The following NR4A1 variants were observed in gnomAD, a reference collection of about 807,000 sequenced individuals.
NR4A1 encodes the protein nuclear receptor subfamily 4immunitygroup A member 1.
A neutral mutation model predicts 47.5 loss-of-function variants in NR4A1; 24 were observed. That is an observed-to-expected ratio of 0.50 (90% CI 0.37 to 0.71). The LOEUF (loss-of-function observed/expected upper bound fraction) is 0.71, where lower values mean the gene tolerates loss of function less well. Among genes scored for constraint, NR4A1 ranks in the 30% least tolerant of loss-of-function variants. The probability of loss-of-function intolerance (pLI) is 0.00; values close to 1 mark genes in which losing one functional copy is unlikely to be tolerated. For synonymous variants in NR4A1, 353 were observed against 345.7 expected (o/e 1.02, Z -0.24); for missense variants, 669 against 788.6 (o/e 0.85, Z 1.82).
At chr12:52,042,202 G>A (rs1938466437) in intron 2 of NR4A1, among the ~76,000 whole-genome samples, 1 of 152,244 alleles carries the variant, frequency 6.6e-6, no homozygotes, top group East Asian at 1.9e-4. Flanking sequence ...GGGAGTAGGG[G>A]ATGACAGCTG....
At chr12:52,045,063 A>C (rs1938580486) in intron 2 of NR4A1, among the ~76,000 whole-genome samples, 1 of 152,214 alleles carries the variant, frequency 6.6e-6, no homozygotes, top group Non-Finnish European at 1.5e-5. Flanking sequence ...AGCTCTCTCC[A>C]GAGTATTAAT....
chr12:52,055,930 T>C (rs1014306395), intron 2 of NR4A1, 100 bp from the exon 3 acceptor site: 1 of 653,914 alleles, frequency 1.5e-6, no homozygotes, highest in African/African-American at 1.9e-5. Context: ...AGAGCGCTTT[T>C]GTCTGCAATG....
upstream of NR4A1, among the ~76,000 whole-genome samples, chr12:52,050,583 G>T (rs1037304055): frequency 6.6e-6 from 1 of 152,244 alleles, no homozygotes; most frequent in African/African-American, 2.4e-5. Flanking sequence ...TAAGGGGCTG[G>T]GGAGGGGACG....
chr12:52,030,724 T>C (rs530734309), intron 1 of NR4A1, among the ~76,000 whole-genome samples: 1 of 152,290 alleles, frequency 6.6e-6, no homozygotes, highest in African/African-American at 2.4e-5. Flanking sequence ...CCACCACACC[T>C]GGCCTACTTA....
chr12:52,056,742 T>G (rs1030559961), intron 4 of NR4A1, 97 bp downstream of exon 4: 1 of 1,278,164 alleles, frequency 7.8e-7, no homozygotes, highest in African/African-American at 1.5e-5. Flanking sequence ...AAGGACTGAA[T>G]GAGAAAGGAG....
intron 1 of NR4A1, among the ~76,000 whole-genome samples, chr12:52,028,071 A>C (rs1938034631): frequency 6.7e-6 from 1 of 150,066 alleles, no homozygotes; most frequent in South Asian, 2.1e-4. Flanking sequence ...GCGTGGTGGC[A>C]TGTGCCTTTA....
intron 3 of NR4A1, 166 bp from the exon 4 acceptor site, chr12:52,056,328 T>C: frequency 2.9e-6 from 4 of 1,358,518 alleles, no homozygotes; most frequent in Non-Finnish European, 4.0e-6. Flanking sequence ...CTGCCTGGAT[T>C]GTGAGGGTGG....
intron 2 of NR4A1, among the ~76,000 whole-genome samples, chr12:52,042,200 G>A (rs1215499933): frequency 6.6e-6 from 1 of 152,100 alleles, no homozygotes; most frequent in Admixed American, 6.5e-5. Flanking sequence ...GTGGGAGTAG[G>A]GGATGACAGC....
At chr12:52,027,207 AC>A (rs1234683647) in intron 1 of NR4A1, among the ~76,000 whole-genome samples, 3 of 152,146 alleles carry the variant, frequency 2.0e-5, no homozygotes, top group Admixed American at 6.5e-5. Flanking sequence ...GCTGCTGCAT[AC>A]CCAGGCCTGG....
intron 1 of NR4A1, among the ~76,000 whole-genome samples, chr12:52,032,954 A>C (rs7975562): frequency 0.021 from 3,267 of 152,170 alleles, 129 homozygotes; most frequent in African/African-American, 0.074. Context: ...CCTCCCAATG[A>C]CGTCTATTCG....
chr12:52,038,893 T>C (rs1938338043), intron 1 of NR4A1: 2 of 628,218 alleles, frequency 3.2e-6, no homozygotes, highest in African/African-American at 3.6e-5. Context: ...CCCAGGCCCT[T>C]AGCTTCTGCC....
upstream of NR4A1, chr12:52,051,275 C>A: frequency 6.1e-6 from 2 of 327,230 alleles, no homozygotes; most frequent in Non-Finnish European, 8.8e-6. Flanking sequence ...GCCCCGCCCC[C>A]TCGGGCTCCC....
At chr12:52,041,851 C>G (rs1316211749) in exon 2 of NR4A1, 5 of 1,512,462 alleles carry the variant, frequency 3.3e-6, no homozygotes, top group East Asian at 4.7e-5. Context: ...CCCTCCCAGG[C>G]AGCCTGGCTC....
At chr12:52,054,149 G>T in intron 1 of NR4A1, 178 bp from the exon 2 acceptor site, 1 of 604,930 alleles carries the variant, frequency 1.7e-6, no homozygotes, top group East Asian at 2.8e-5. Flanking sequence ...CCTAGGTCGA[G>T]ATGGTACTCA....
At position 52,054,637 on chromosome 12, in the gene NR4A1, C is replaced by A. The variant is rs143072172; in HGVS notation, c.309C>A (p.Phe103Leu). Reference sequence around the variant, plus strand: ...CCCCTGCCTCTGCCTCCTTCAAGTTCGAGGACTTCCAGGTGTACGGCTGCT... The same window carrying A: ...CCCCTGCCTCTGCCTCCTTCAAGTTAGAGGACTTCCAGGTGTACGGCTGCT... ...ATSPASASFK[F>L]EDFQVYGCYP... The change falls in exon 2 of 7, where the codon TTC becomes TTA. Residue 103 changes from phenylalanine to leucine, a missense_variant. Transcript: ENST00000394825. The A allele has an allele frequency of 6.2e-7, 1 of 1,614,150 alleles. No individual in the cohort carries two copies.
upstream of NR4A1, chr12:52,051,387 C>T (rs971453334): frequency 2.4e-5 from 24 of 985,324 alleles, no homozygotes; most frequent in Middle Eastern, 1.0e-3. Flanking sequence ...GTGGCGCCCC[C>T]GCCCCTCCCC....
chr12:52,056,928 G>A, intron 4 of NR4A1, 129 bp from the exon 5 acceptor site: 2 of 948,638 alleles, frequency 2.1e-6, no homozygotes, highest in South Asian at 3.4e-5. Flanking sequence ...TGGCAAGTGA[G>A]AGCCTGGGCA....
chr12:52,054,367 G>A lies in NR4A1; in HGVS notation c.39G>A (p.Pro13=). The change falls in exon 2 of 7, where the codon CCG becomes CCA. Residue 13 remains proline, a synonymous_variant. Coordinates refer to ENST00000394825, the MANE Select transcript of NR4A1 (RefSeq NM_173157.3). The stretch of plus-strand genomic sequence containing the variant: ...AAGCCCAATATGGGACACCAGCACC[G>A]AGTCCGGGACCCCGTGACCACCTGG... ...CIQAQYGTPA[P]SPGPRDHLAS... The A allele has an allele frequency of 6.2e-7, 1 of 1,613,274 alleles. No individual in the cohort carries two copies. Among genetic ancestry groups the A allele is most frequent in the Non-Finnish European group, 8.5e-7 (1 of 1,179,690 alleles).
At position 52,043,662 on chromosome 12, in the gene NR4A1, G is replaced by A. The variant is rs1190552341; in HGVS notation, c.37+1733G>A. 6.7e-6 allele frequency: 8 copies of A among 1,192,698 alleles called. No homozygotes were observed. In the African/African-American group the frequency reaches 1.3e-4, roughly 19 times the overall value. The allele number at this position is 1,192,698 out of a possible 1,614,324, so 73.9% of individuals were successfully genotyped here. ...CCCAAAGTGGCTCCCCCCATCCCCA[G>A]AGGCCGGCTCTGGTTTCTGCTATAT... is the stretch of plus-strand genomic sequence containing the variant. On this transcript the variant is annotated intron_variant, in intron 2 of 7. Coordinates refer to the NR4A1 transcript ENST00000360284.
Sources: allele counts gnomAD v4.1 joint callset (sites outside exome capture counted in the v4.1 genomes callset), GRCh38; gene constraint gnomAD v4.1.1; transcripts MANE v1.5; gene names NCBI Gene and HGNC (gene_info 2026-07-23, HGNC 2026-07-21).